ACRV1: variants seen among roughly 807,000 people sequenced by gnomAD.
ACRV1 encodes the protein acrosomal vesicle protein 1, also known as acrosomal protein SP-10.
In ACRV1, 17 loss-of-function variants were observed where a neutral mutation model predicts 29.2. The observed-to-expected ratio is 0.58, with a 90% CI of 0.40 to 0.87. ACRV1 has a LOEUF of 0.87. ACRV1 is among the 40% of genes least tolerant of loss of function. ACRV1 has a pLI of 0.00. For missense variants in ACRV1, 294 were observed against 316.0 expected (o/e 0.93, Z 0.53); for synonymous variants, 98 against 111.6 (o/e 0.88, Z 0.77).
At chr11:125,675,511 A>G (rs1942459578) in intron 3 of ACRV1, among the ~76,000 whole-genome samples, 1 of 152,182 alleles carries the variant, frequency 6.6e-6, no homozygotes, top group African/African-American at 2.4e-5. Flanking sequence ...AAGAAGAAAA[A>G]CTACAAGAGG....
At chr11:125,675,241 C>T (rs1461362732) in intron 3 of ACRV1, among the ~76,000 whole-genome samples, 1 of 152,122 alleles carries the variant, frequency 6.6e-6, no homozygotes, top group Non-Finnish European at 1.5e-5. Flanking sequence ...TTCTGAATAC[C>T]ACCTTCTCCC....
intron 1 of ACRV1, among the ~76,000 whole-genome samples, chr11:125,679,216 C>CTTTTTTCTTT (rs1942677658): frequency 1.7e-5 from 2 of 121,040 alleles, no homozygotes; most frequent in African/African-American, 6.3e-5. Context: ...CCGTCTCTTT[C>CTTTTTTCTTT]TTTTTTTTTT....
rs71045115 is a variant in ACRV1, at chr11:125,679,216, C to CTTTTTTTT, written c.53-927_53-920dup. On this transcript the variant is annotated intron_variant, in intron 1 of 3. Coordinates refer to ENST00000533904, the MANE Select transcript of ACRV1 (RefSeq NM_001612.6). ...TCTTCTACCTTTAATCCGTCTCTTTCTTTTTTTTTTTTTGTTTCAAAGATA... is the reference window on the plus strand; with the variant it reads ...TCTTCTACCTTTAATCCGTCTCTTTCTTTTTTTTTTTTTTTTTTTTTGTTTCAAAGATA... Among the ~76,000 whole-genome samples, 75 of 121,038 alleles carry CTTTTTTTT rather than the reference C, an allele frequency of 6.2e-4. 6 individuals carry two copies. Among genetic ancestry groups the CTTTTTTTT allele is most frequent in the South Asian group, 1.7e-3 (6 of 3,586 alleles). 79.4% of individuals were successfully genotyped at this position (121,038 alleles called of 152,430 possible). A position where few individuals can be genotyped will look rare whatever the true frequency, so the allele number is the denominator to read the frequency against.
In ACRV1 at chr11:125,678,258, T is replaced by G; in HGVS notation, c.92A>C (p.Asp31Ala). 6.2e-7 allele frequency: 1 copy of G among 1,614,128 alleles called. No individual in the cohort carries two copies. The highest frequency in any genetic ancestry group is 8.5e-7 in the Non-Finnish European group (1 of 1,180,006). The change falls in exon 2 of 4, where the codon GAT becomes GCT. Residue 31 changes from aspartate to alanine, a missense_variant. Physicochemically the swap from Asp to Ala is moderately radical, Grantham distance 126 (BLOSUM62 -2). Coordinates refer to ENST00000533904, the MANE Select transcript of ACRV1 (RefSeq NM_001612.6). ...AAGTTGCTGAACTGAAGTTTGATGA[T>G]CTATGGAGCCAGAAAGCTCATTAGG... ...SQPNELSGSI[D>A]HQTSVQQLPG...
At chr11:125,673,216 T>TC (rs369760206) in intron 3 of ACRV1, among the ~76,000 whole-genome samples, 3 of 151,308 alleles carry the variant, frequency 2.0e-5, no homozygotes, top group Non-Finnish European at 2.9e-5. Flanking sequence ...TCTTTTCTTT[T>TC]TTTTTTTTGA....
At chr11:125,677,242 T>G (rs1203997554) in intron 2 of ACRV1, among the ~76,000 whole-genome samples, 3 of 152,268 alleles carry the variant, frequency 2.0e-5, no homozygotes, top group Non-Finnish European at 4.4e-5. Context: ...CATCAAACTT[T>G]GGGTCTTGTT....
chr11:125,672,638 C>T lies in ACRV1; in HGVS notation c.753G>A (p.Met251Ile). Reference protein sequence around the residue: ...SMNLFSHGTRMQIICCRNQSF... With the variant: ...SMNLFSHGTRIQIICCRNQSF... ...ATTGATTTCGACAGCATATAATTTGCATCCTCGTTCCATGGGAGAAGAGGT... is the reference window on the plus strand; with the variant it reads ...ATTGATTTCGACAGCATATAATTTGTATCCTCGTTCCATGGGAGAAGAGGT... Residue 251 changes from methionine (M) to isoleucine (I), a missense_variant, in exon 4 of 4, where the codon ATG becomes ATA. Coordinates refer to ENST00000533904, the MANE Select transcript of ACRV1 (RefSeq NM_001612.6). The T allele has an allele frequency of 3.1e-6, 5 of 1,614,128 alleles. No homozygotes were observed. The highest frequency in any genetic ancestry group is 4.2e-6 in the Non-Finnish European group (5 of 1,180,016).
chr11:125,674,356 GAAGT>G (rs1942378210), intron 3 of ACRV1, among the ~76,000 whole-genome samples: 1 of 152,174 alleles, frequency 6.6e-6, no homozygotes, highest in African/African-American at 2.4e-5. Context: ...TCTTAGGAAG[GAAGT>G]GAGACTGAAC....
rs758661156 is a variant in ACRV1 at position 125,677,833 on chromosome 11, G to T, written c.517C>A (p.Gln173Lys). The T allele has an allele frequency of 6.2e-7, 1 of 1,614,156 alleles. No individual in the cohort carries two copies. The highest frequency in any genetic ancestry group is 1.3e-5 in the African/African-American group (1 of 75,036). ...CTTGAAATTGGTGCACCTGAAGCCT[G>T]TTCCCCTGAAGCGTGCTCACCTGAA... Reference protein sequence around the residue: ...QPSGEHASGEQASGAPISSTS... With the variant: ...QPSGEHASGEKASGAPISSTS... Residue 173 changes from glutamine to lysine, a missense_variant, in exon 2 of 4, where the codon CAG becomes AAG. Gln to Lys is a moderately conservative substitution (Grantham distance 53). Transcript: ENST00000533904.
rs753113454 is a variant in ACRV1 at position 125,678,221 on chromosome 11, G to T, written c.129C>A (p.Phe43Leu). 7.4e-6 allele frequency: 12 copies of T among 1,613,282 alleles called. No individual in the cohort carries two copies. In the South Asian group the frequency reaches 1.3e-4, roughly 18 times the overall value. Residue 43 changes from phenylalanine (F) to leucine (L), a missense_variant, in exon 2 of 4, where the codon TTC becomes TTA. By Grantham distance (22) the Phe-to-Leu change is conservative. Transcript: ENST00000533904. Reference sequence around the variant, plus strand: ...CATCAGAAGGGTTTTCAAGTGAAAAGAACTCACCTGGAAGTTGCTGAACTG... The same window carrying T: ...CATCAGAAGGGTTTTCAAGTGAAAATAACTCACCTGGAAGTTGCTGAACTG... The part of the protein sequence containing the change: ...QTSVQQLPGE[F>L]FSLENPSDAE...
At chr11:125,676,597 G>A (rs1168816556) in intron 2 of ACRV1, 119 bp from the exon 3 acceptor site, 1 of 1,270,420 alleles carries the variant, frequency 7.9e-7, no homozygotes. Context: ...TTATTTCTTA[G>A]TTCTTTTTGG....
chr11:125,679,206 C>A (rs1455015093), intron 1 of ACRV1, among the ~76,000 whole-genome samples: 1 of 116,230 alleles, frequency 8.6e-6, no homozygotes, highest in Non-Finnish European at 1.8e-5. Context: ...TACCTTTAAT[C>A]CGTCTCTTTC....
chr11:125,678,169 C>A lies in ACRV1; in HGVS notation c.181G>T (p.Gly61Cys). The A allele has an allele frequency of 6.2e-7, 1 of 1,614,140 alleles. No individual in the cohort carries two copies. The highest frequency in any genetic ancestry group is 2.2e-5 in the East Asian group (1 of 44,860). Reference protein sequence around the residue: ...DAEALYETSSGLNTLSEHGSS... With the variant: ...DAEALYETSSCLNTLSEHGSS... ...CCATGCTCACTTAAAGTGTTCAGGC[C>A]TGAAGAAGTCTCATATAAAGCCTCA... The change falls in exon 2 of 4, where the codon GGC becomes TGC. Residue 61 changes from glycine to cysteine, a missense_variant. By Grantham distance (159) the Gly-to-Cys change is radical. Coordinates refer to ENST00000533904, the MANE Select transcript of ACRV1 (RefSeq NM_001612.6).
rs1244728864 is a variant in ACRV1 at position 125,680,047 on chromosome 11, C to T, written c.52+682G>A. ...CCATGTGACTGGCACATACTATCAC[C>T]TGGTGGCTGTGTATCTACATTTTTG... is the stretch of plus-strand genomic sequence containing the variant. On this transcript the variant is annotated intron_variant, in intron 1 of 3. Coordinates refer to ENST00000533904, the MANE Select transcript of ACRV1 (RefSeq NM_001612.6). 2.0e-5 allele frequency among the ~76,000 whole-genome samples: 3 copies of T among 152,220 alleles called. No homozygotes were observed. In the East Asian group the frequency reaches 5.8e-4, roughly 29 times the overall value.
intron 2 of ACRV1, among the ~76,000 whole-genome samples, chr11:125,677,022 C>T (rs1026920210): frequency 3.9e-5 from 6 of 152,182 alleles, no homozygotes; most frequent in African/African-American, 1.4e-4. Context: ...TTTACTGTCT[C>T]TACTGCTAAT....
chr11:125,680,716 A>C lies in ACRV1; in HGVS notation c.52+13T>G. 4 of 1,612,204 alleles carry C rather than the reference A, an allele frequency of 2.5e-6. No individual in the cohort carries two copies. The highest frequency in any genetic ancestry group is 3.4e-6 in the Non-Finnish European group (4 of 1,178,456). ...CCTTTTGTATTTACCTGAAGCCTAG[A>C]TCAAACACTCACCTCTGGCAGATCC... On this transcript the variant is annotated intron_variant, in intron 1 of 3. Transcript: ENST00000533904.
chr11:125,673,461 A>T (rs1398387918), intron 3 of ACRV1, among the ~76,000 whole-genome samples: 1 of 138,424 alleles, frequency 7.2e-6, no homozygotes, highest in African/African-American at 2.5e-5. Flanking sequence ...TCAGCCTCCC[A>T]AAGCGCTGGG....
intron 1 of ACRV1, among the ~76,000 whole-genome samples, chr11:125,680,492 T>A (rs1466300988): frequency 6.6e-6 from 1 of 152,096 alleles, no homozygotes; most frequent in Non-Finnish European, 1.5e-5. Context: ...AAATGTTGAG[T>A]GGCTAAAATA....
At position 125,677,777 on chromosome 11, in the gene ACRV1, C is replaced by G; in HGVS notation, c.553+20G>C. The stretch of plus-strand genomic sequence containing the variant: ...TCCCACCTGAAGTCAATGACTGGCA[C>G]CCATCCAAACATGGCTCACCTGTAG... On this transcript the variant is annotated intron_variant, in intron 2 of 3. Coordinates refer to ENST00000533904, the MANE Select transcript of ACRV1 (RefSeq NM_001612.6). 14 of 1,611,364 alleles carry G rather than the reference C, an allele frequency of 8.7e-6. No homozygotes were observed. The highest frequency in any genetic ancestry group is 1.2e-5 in the Non-Finnish European group (14 of 1,177,732).
Sources: gnomAD v4.1 joint callset for allele counts (sites outside exome capture counted in the v4.1 genomes callset) on GRCh38, gnomAD v4.1.1 for gene constraint, MANE v1.5 for transcripts, NCBI Gene and HGNC (gene_info 2026-07-23, HGNC 2026-07-21) for gene names.